The following ZBTB7C variants were observed in gnomAD, a reference collection of about 807,000 sequenced individuals.
ZBTB7C encodes zinc finger and BTB domain containing 7C, also known as zinc finger and BTB domain-containing protein 7C.
In ZBTB7C, 8 loss-of-function variants were observed where a neutral mutation model predicts 25.7. That is an observed-to-expected ratio of 0.31 (90% CI 0.18 to 0.56). The LOEUF (loss-of-function observed/expected upper bound fraction) is 0.56, where lower values mean the gene tolerates loss of function less well. Among genes scored for constraint, ZBTB7C ranks in the 20% least tolerant of loss-of-function variants. The pLI is 0.91. For missense variants in ZBTB7C, 824 were observed against 855.2 expected (o/e 0.96, Z 0.46); for synonymous variants, 394 against 369.0 (o/e 1.07, Z -0.78).
At chr18:48,116,181 C>A (rs1297480498) in intron 3 of ZBTB7C, among the ~76,000 whole-genome samples, 1 of 152,086 alleles carries the variant, frequency 6.6e-6, no homozygotes, top group Admixed American at 6.6e-5. Flanking sequence ...TATGTCCCTG[C>A]CAGTGGGAGA....
intron 3 of ZBTB7C, among the ~76,000 whole-genome samples, chr18:48,141,325 A>T (rs1019020982): frequency 1.3e-5 from 2 of 152,124 alleles, no homozygotes; most frequent in Non-Finnish European, 2.9e-5. Context: ...ACCCTTGATC[A>T]GAGGATTCAT....
At chr18:48,116,050 T>C (rs2039427833) in intron 3 of ZBTB7C, among the ~76,000 whole-genome samples, 1 of 151,988 alleles carries the variant, frequency 6.6e-6, no homozygotes, top group Non-Finnish European at 1.5e-5. Context: ...ACAGATACTC[T>C]TTTGCATGTA....
At chr18:48,119,719 G>T (rs1466839226) in intron 3 of ZBTB7C, among the ~76,000 whole-genome samples, 1 of 152,320 alleles carries the variant, frequency 6.6e-6, no homozygotes. Flanking sequence ...GCAAATGTGT[G>T]TTGGTTTGCT....
At chr18:48,114,435 T>G (rs1955818059) in intron 3 of ZBTB7C, among the ~76,000 whole-genome samples, 1 of 152,022 alleles carries the variant, frequency 6.6e-6, no homozygotes, top group Non-Finnish European at 1.5e-5. Context: ...GAGCCATCTC[T>G]GCTAAAAATA....
rs187835258 is a variant in ZBTB7C, at chr18:48,260,630, T to C, written c.-78-74635A>G. On this transcript the variant is annotated intron_variant, in intron 2 of 4. Coordinates refer to ENST00000590800, the MANE Select transcript of ZBTB7C (RefSeq NM_001318841.2). ...ACTGCAACAGCCACCACTCAAAAGC[T>C]CCCTTCCGGTCAGGGAGATGGTCTA... 3.9e-5 allele frequency among the ~76,000 whole-genome samples: 6 copies of C among 152,282 alleles called. No individual in the cohort carries two copies. In the East Asian group the frequency reaches 1.2e-3, roughly 29 times the overall value.
At chr18:48,368,116 T>A (rs1018406520) in intron 1 of ZBTB7C, among the ~76,000 whole-genome samples, 1 of 151,790 alleles carries the variant, frequency 6.6e-6, no homozygotes, top group African/African-American at 2.4e-5. Flanking sequence ...AACCAATAGA[T>A]GCCAACTCCA....
rs2044932390 is a variant in ZBTB7C, at chr18:48,283,363, TTC to T, written c.-79+54809_-79+54810del. On this transcript the variant is annotated intron_variant, in intron 2 of 4. Transcript: ENST00000590800. ...TGAAATTTAATTTCTTCTTTCTATT[TTC>T]TGTTTTTTTCCAAATTCCCTGCAAT... Among the ~76,000 whole-genome samples, 14 of 152,342 alleles carry T rather than the reference TTC, an allele frequency of 9.2e-5. 1 individual carries two copies. The South Asian group carries it at 2.9e-3, about 32-fold the overall frequency.
At chr18:48,367,202 T>TATATACAC (rs1302394192) in intron 1 of ZBTB7C, among the ~76,000 whole-genome samples, 23 of 63,394 alleles carry the variant, frequency 3.6e-4, no homozygotes, top group East Asian at 7.5e-4. Flanking sequence ...TATATATATA[T>TATATACAC]ACACACACAC....
At chr18:48,104,211 T>G (rs2144628453) in intron 3 of ZBTB7C, among the ~76,000 whole-genome samples, 1 of 152,294 alleles carries the variant, frequency 6.6e-6, no homozygotes, top group South Asian at 2.1e-4. Flanking sequence ...TATGAACGGC[T>G]TAGTGCTGTC....
At chr18:48,147,368 G>A (rs1430392970) in intron 3 of ZBTB7C, among the ~76,000 whole-genome samples, 1 of 152,088 alleles carries the variant, frequency 6.6e-6, no homozygotes, top group African/African-American at 2.4e-5. Context: ...GTGAGCTACC[G>A]CACCCAGCCC....
chr18:48,069,595 C>T (rs993800789), intron 3 of ZBTB7C, among the ~76,000 whole-genome samples: 3 of 152,252 alleles, frequency 2.0e-5, no homozygotes, highest in South Asian at 2.1e-4. Flanking sequence ...GAAAGCAAGT[C>T]GGGCCCCTCT....
At chr18:48,300,581 A>G (rs952501306) in intron 2 of ZBTB7C, among the ~76,000 whole-genome samples, 1 of 152,124 alleles carries the variant, frequency 6.6e-6, no homozygotes, top group African/African-American at 2.4e-5. Flanking sequence ...GGCTCCCTAG[A>G]AGAGGAAGAG....
At chr18:48,355,242 G>A (rs2046951072) in intron 1 of ZBTB7C, among the ~76,000 whole-genome samples, 1 of 152,198 alleles carries the variant, frequency 6.6e-6, no homozygotes, top group Non-Finnish European at 1.5e-5. Flanking sequence ...GGACTGTGGG[G>A]GAAGAAATCC....
intron 3 of ZBTB7C, among the ~76,000 whole-genome samples, chr18:48,166,238 G>A (rs773029014): frequency 1.3e-5 from 2 of 151,914 alleles, no homozygotes; most frequent in South Asian, 2.1e-4. Flanking sequence ...ACTTCCCAAC[G>A]TTCCCCTCCT....
Position 48,126,947 on chromosome 18 carries a change from G to T in ZBTB7C, c.-17+58987C>A, listed in dbSNP as rs933561743. On this transcript the variant is annotated intron_variant, in intron 3 of 4. Coordinates refer to ENST00000590800, the MANE Select transcript of ZBTB7C (RefSeq NM_001318841.2). ...TAGAGATGGGAGAGGGAGGAGGAAA[G>T]GGGGAGGGAAAAGAGAACCTTCAAG... Among the ~76,000 whole-genome samples, 5 of 152,270 alleles carry T rather than the reference G, an allele frequency of 3.3e-5. No individual in the cohort carries two copies. The East Asian group carries it at 9.7e-4, about 29-fold the overall frequency.
Position 48,295,334 on chromosome 18 carries a change from C to T in ZBTB7C, c.-79+42840G>A, listed in dbSNP as rs114387058. On this transcript the variant is annotated intron_variant, in intron 2 of 4. Coordinates refer to ENST00000590800, the MANE Select transcript of ZBTB7C (RefSeq NM_001318841.2). ...ATATCTCTAACACCATTCCGTGGGGCTTGCACAGATGATGTTTCTAGCTTA... is the reference window on the plus strand; with the variant it reads ...ATATCTCTAACACCATTCCGTGGGGTTTGCACAGATGATGTTTCTAGCTTA... 4.1e-3 allele frequency among the ~76,000 whole-genome samples: 629 copies of T among 152,288 alleles called. 2 individuals are homozygous for T. The highest frequency in any genetic ancestry group is 0.014 in the African/African-American group (584 of 41,576).
intron 1 of ZBTB7C, among the ~76,000 whole-genome samples, chr18:48,381,770 T>A (rs960662431): frequency 3.3e-5 from 5 of 152,224 alleles, no homozygotes; most frequent in African/African-American, 1.2e-4. Flanking sequence ...GCTCCACATG[T>A]CTTCTTCACT....
Position 48,029,674 on chromosome 18 carries a change from C to A in ZBTB7C, c.1446G>T (p.Lys482Asn). The A allele has an allele frequency of 6.4e-7, 1 of 1,570,716 alleles. No homozygotes were observed. Reference sequence around the variant, plus strand: ...GGCTGGCGGCCCTCCACGCAGCAGGCTTGCGGCCGCGTCGGGGCCGTGCCA... The same window carrying A: ...GGCTGGCGGCCCTCCACGCAGCAGGATTGCGGCCGCGTCGGGGCCGTGCCA... ...CRMARPRRGRKPAAWRAASLL... is the reference protein window; with the variant it reads ...CRMARPRRGRNPAAWRAASLL... The change falls in exon 5 of 5, where the codon AAG (lysine) becomes AAT (asparagine). Residue 482 changes from lysine to asparagine, a missense_variant. Lys to Asn is a moderately conservative substitution (Grantham distance 94, BLOSUM62 0). Coordinates refer to ENST00000590800, the MANE Select transcript of ZBTB7C (RefSeq NM_001318841.2).
intron 3 of ZBTB7C, among the ~76,000 whole-genome samples, chr18:48,156,938 C>T (rs2040858249): frequency 6.6e-6 from 1 of 152,114 alleles, no homozygotes; most frequent in African/African-American, 2.4e-5. Context: ...AAAGGCAGTG[C>T]CCCTGCCTGT....
Sources: gnomAD v4.1 joint callset for allele counts (sites outside exome capture counted in the v4.1 genomes callset) on GRCh38, gnomAD v4.1.1 for gene constraint, MANE v1.5 for transcripts, NCBI Gene and HGNC (gene_info 2026-07-23, HGNC 2026-07-21) for gene names.